MYO10: variants seen among roughly 807,000 people sequenced by gnomAD.
MYO10 encodes unconventional myosin-X.
Under a neutral mutation model 257.3 loss-of-function variants are expected in MYO10, and 133 were observed. The observed-to-expected ratio is 0.52, with a 90% CI of 0.45 to 0.60. The LOEUF is 0.60. MYO10 is among the 20% of genes least tolerant of loss of function. MYO10 has a pLI of 0.00. For synonymous variants in MYO10, 1,104 were observed against 1,028.6 expected, an observed-to-expected ratio of 1.07 and a Z score of -1.40; for missense variants, 2,399 against 2,635.7, an observed-to-expected ratio of 0.91 and a Z score of 1.97.
At chr5:16,745,271 G>A (rs187016469) in intron 19 of MYO10, among the ~76,000 whole-genome samples, 61 of 152,284 alleles carry the variant, frequency 4.0e-4, no homozygotes, top group African/African-American at 1.5e-3. Flanking sequence ...ACCCGGGGGA[G>A]GTGGAGGTTG....
At chr5:16,783,799 C>T (rs2126671542) in intron 4 of MYO10, among the ~76,000 whole-genome samples, 1 of 152,268 alleles carries the variant, frequency 6.6e-6, no homozygotes, top group Middle Eastern at 3.4e-3. Flanking sequence ...ACTAGTTCAT[C>T]CCAAACACCT....
At chr5:16,673,387 A>C (rs79884093) in intron 36 of MYO10, among the ~76,000 whole-genome samples, 1 of 152,108 alleles carries the variant, frequency 6.6e-6, no homozygotes, top group African/African-American at 2.4e-5. Context: ...AACCCTCATC[A>C]AAGTGGCTGG....
chr5:16,780,205 A>G (rs1741380619), intron 8 of MYO10, among the ~76,000 whole-genome samples: 1 of 152,062 alleles, frequency 6.6e-6, no homozygotes. Flanking sequence ...CCAGCCAAAA[A>G]TCAAATATTT....
intron 1 of MYO10, among the ~76,000 whole-genome samples, chr5:16,897,302 T>A (rs1319501129): frequency 5.4e-5 from 7 of 129,082 alleles, no homozygotes; most frequent in Admixed American, 7.9e-5. Context: ...TTACACTTCG[T>A]AAAAAAAAAA....
At chr5:16,762,968 GAAA>G (rs35384200) in intron 14 of MYO10, among the ~76,000 whole-genome samples, 4 of 117,546 alleles carry the variant, frequency 3.4e-5, no homozygotes, top group Admixed American at 9.3e-5. Context: ...CGTCTCAGGG[GAAA>G]AAAAAAAAAA....
intron 1 of MYO10, among the ~76,000 whole-genome samples, chr5:16,917,205 G>C (rs1406890295): frequency 6.6e-6 from 1 of 152,076 alleles, no homozygotes; most frequent in African/African-American, 2.4e-5. Flanking sequence ...TCAGATTAAT[G>C]CATCATTCAC....
At chr5:16,698,075 T>C (rs1737844605) in intron 26 of MYO10, among the ~76,000 whole-genome samples, 1 of 152,202 alleles carries the variant, frequency 6.6e-6, no homozygotes, top group South Asian at 2.1e-4. Flanking sequence ...AATTAAATAA[T>C]TAAATAATTT....
chr5:16,833,582 A>C (rs571462056), intron 2 of MYO10, among the ~76,000 whole-genome samples: 14 of 152,138 alleles, frequency 9.2e-5, no homozygotes, highest in Admixed American at 5.2e-4. Context: ...TTCAGAGATA[A>C]GATTTTGGTT....
At chr5:16,904,090 G>GA (rs751800239) in intron 1 of MYO10, among the ~76,000 whole-genome samples, 82 of 148,158 alleles carry the variant, frequency 5.5e-4, no homozygotes, top group Non-Finnish European at 1.0e-3. Flanking sequence ...GAAAGGGGCT[G>GA]AAGGTTGACC....
intron 19 of MYO10, among the ~76,000 whole-genome samples, chr5:16,754,377 A>G (rs554305517): frequency 6.6e-5 from 10 of 152,272 alleles, no homozygotes; most frequent in African/African-American, 2.4e-4. Context: ...TATTTAAAGT[A>G]CTTAAAATCT....
chr5:16,703,267 T>G, intron 22 of MYO10, 109 bp from the exon 23 acceptor site: 1 of 792,258 alleles, frequency 1.3e-6, no homozygotes. Flanking sequence ...AGTTTTAGAA[T>G]GAGACTCTCA....
chr5:16,894,834 C>T (rs900589269), intron 1 of MYO10, among the ~76,000 whole-genome samples: 9 of 152,146 alleles, frequency 5.9e-5, no homozygotes, highest in South Asian at 2.1e-4. Flanking sequence ...GAAGCCCCCA[C>T]GGAGTAGAGG....
At chr5:16,796,496 AAGG>A (rs1170869289) in intron 3 of MYO10, among the ~76,000 whole-genome samples, 1 of 151,682 alleles carries the variant, frequency 6.6e-6, no homozygotes, top group Admixed American at 6.6e-5. Flanking sequence ...AGAAAGAAAG[AAGG>A]AAAATAAATA....
rs184820804 is a variant in MYO10 at position 16,928,446 on chromosome 5, G to A, written c.21+7342C>T. On this transcript the variant is annotated intron_variant, in intron 1 of 40. Transcript: ENST00000513610. ...TGACCTCAGGTATCCACCTGCCTCG[G>A]CCTCCCAAAGTGCTGGGATTACAGG... 1.6e-3 allele frequency among the ~76,000 whole-genome samples: 247 copies of A among 152,194 alleles called. 1 individual carries two copies. Among genetic ancestry groups the A allele is most frequent in the South Asian group, 0.012 (59 of 4,820 alleles).
intron 2 of MYO10, among the ~76,000 whole-genome samples, chr5:16,847,876 A>G (rs35145816): frequency 0.17 from 25,559 of 152,210 alleles, 2,404 homozygotes; most frequent in East Asian, 0.27. Flanking sequence ...CAGTCTGGGC[A>G]ACATAGCAAG....
chr5:16,679,348 C>A lies in MYO10; in HGVS notation c.4542+599G>T, dbSNP rs1736876576. On this transcript the variant is annotated intron_variant, in intron 33 of 40. Transcript: ENST00000513610. ...CCCATGAGCAGGGAGCCCCACAGTGCAAGCTGCAGACCTCATCCTTCTGCC... is the reference window on the plus strand; with the variant it reads ...CCCATGAGCAGGGAGCCCCACAGTGAAAGCTGCAGACCTCATCCTTCTGCC... Among the ~76,000 whole-genome samples, 4 of 152,180 alleles carry A rather than the reference C, an allele frequency of 2.6e-5. No homozygotes were observed. The South Asian group carries it at 6.2e-4, about 24-fold the overall frequency.
intron 1 of MYO10, among the ~76,000 whole-genome samples, chr5:16,896,656 A>G (rs1437413690): frequency 6.6e-6 from 1 of 152,196 alleles, no homozygotes; most frequent in African/African-American, 2.4e-5. Flanking sequence ...CTGTCTTTAC[A>G]GCAGAATCAG....
intron 1 of MYO10, among the ~76,000 whole-genome samples, chr5:16,898,962 C>A (rs1745298599): frequency 1.0e-5 from 1 of 99,524 alleles, no homozygotes; most frequent in South Asian, 3.2e-4. Flanking sequence ...TGGTGAAACC[C>A]CGTCTCTACT....
chr5:16,876,705 C>A (rs905975222), intron 2 of MYO10, among the ~76,000 whole-genome samples: 1 of 152,106 alleles, frequency 6.6e-6, no homozygotes, highest in Non-Finnish European at 1.5e-5. Context: ...CAGGTGCCTG[C>A]CACCACAGCT....
Sources: allele counts gnomAD v4.1 joint callset (sites outside exome capture counted in the v4.1 genomes callset), GRCh38; gene constraint gnomAD v4.1.1; transcripts MANE v1.5; gene names NCBI Gene and HGNC (gene_info 2026-07-23, HGNC 2026-07-21).